The following ADGRV1 variants were observed in gnomAD, a reference collection of about 807,000 sequenced individuals.
ADGRV1 encodes the protein G-protein coupled receptor 98.
A neutral mutation model predicts 596.2 loss-of-function variants in ADGRV1; 359 were observed. The observed-to-expected ratio is 0.60, with a 90% confidence interval of 0.55 to 0.66. The LOEUF (loss-of-function observed/expected upper bound fraction) is 0.66. ADGRV1 is among the 30% of genes least tolerant of loss of function. ADGRV1 has a pLI of 0.00. For missense variants in ADGRV1, 7,274 were observed against 7,575.6 expected, an observed-to-expected ratio of 0.96 and a Z score of 1.48; for synonymous variants, 2,681 against 2,679.2, an observed-to-expected ratio of 1.00 and a Z score of -0.02.
chr5:91,134,812 G>A (rs954629419), intron 87 of ADGRV1, among the ~76,000 whole-genome samples: 1 of 152,050 alleles, frequency 6.6e-6, no homozygotes, highest in African/African-American at 2.4e-5. Flanking sequence ...TCTCTTATAA[G>A]AGTGGTGAAA....
chr5:91,062,913 C>A (rs1457002796), intron 85 of ADGRV1, among the ~76,000 whole-genome samples: 1 of 145,706 alleles, frequency 6.9e-6, no homozygotes, highest in Non-Finnish European at 1.5e-5. Flanking sequence ...GGTTAAGCTA[C>A]TTTATGTCTA....
chr5:90,801,809 A>G (rs573291773), intron 70 of ADGRV1, among the ~76,000 whole-genome samples: 1 of 152,340 alleles, frequency 6.6e-6, no homozygotes, highest in African/African-American at 2.4e-5. Flanking sequence ...CAACGTTTCT[A>G]TGGGAAAATG....
intron 86 of ADGRV1, among the ~76,000 whole-genome samples, chr5:91,100,426 C>A (rs1018409046): frequency 7.3e-5 from 11 of 149,870 alleles, no homozygotes; most frequent in Middle Eastern, 6.9e-3. Context: ...TTTGTATGAC[C>A]CTATGTGAAA....
chr5:90,970,707 G>A (rs976141927), intron 84 of ADGRV1, among the ~76,000 whole-genome samples: 4 of 152,052 alleles, frequency 2.6e-5, no homozygotes, highest in South Asian at 2.1e-4. Context: ...CCATCTGTAC[G>A]TCACCATCAT....
At chr5:90,963,003 GT>G in intron 83 of ADGRV1, among the ~76,000 whole-genome samples, 1 of 152,228 alleles carries the variant, frequency 6.6e-6, no homozygotes, top group East Asian at 1.9e-4. Flanking sequence ...TTCATAGAAT[GT>G]TTAAAGCTAA....
chr5:90,595,688 G>A (rs1322003645), intron 1 of ADGRV1, among the ~76,000 whole-genome samples: 2 of 132,310 alleles, frequency 1.5e-5, no homozygotes, highest in African/African-American at 3.1e-5. Flanking sequence ...CCTCCCGGAC[G>A]GGGCGGCTGG....
intron 57 of ADGRV1, 125 bp downstream of exon 57, chr5:90,757,286 TCAAA>T (rs1362373251): frequency 4.5e-6 from 3 of 672,646 alleles, no homozygotes; most frequent in African/African-American, 3.6e-5. Flanking sequence ...CTATGTTAAG[TCAAA>T]CAAATATTAT....
chr5:90,714,428 A>G (rs975215200), intron 42 of ADGRV1, among the ~76,000 whole-genome samples: 1 of 151,882 alleles, frequency 6.6e-6, no homozygotes, highest in Admixed American at 6.6e-5. Flanking sequence ...ACTGTCATTT[A>G]TCTTTTATTA....
At chr5:90,819,201 G>A (rs1450326444) in intron 75 of ADGRV1, among the ~76,000 whole-genome samples, 44 of 152,192 alleles carry the variant, frequency 2.9e-4, no homozygotes, top group South Asian at 6.2e-4. Flanking sequence ...GTTTATTTGC[G>A]TAGAGGTGTT....
chr5:90,770,574 T>A (rs1287510996), intron 59 of ADGRV1, among the ~76,000 whole-genome samples: 1 of 152,208 alleles, frequency 6.6e-6, no homozygotes, highest in African/African-American at 2.4e-5. Flanking sequence ...TTATGGTGTC[T>A]ACATGTGCAT....
At chr5:90,904,011 T>A (rs989948138) in intron 83 of ADGRV1, among the ~76,000 whole-genome samples, 2 of 152,078 alleles carry the variant, frequency 1.3e-5, no homozygotes, top group Non-Finnish European at 1.5e-5. Flanking sequence ...AGGGAGAACA[T>A]GTGATCTTTG....
chr5:90,864,226 A>C (rs1188400006), intron 83 of ADGRV1, among the ~76,000 whole-genome samples: 1 of 152,170 alleles, frequency 6.6e-6, no homozygotes, highest in Non-Finnish European at 1.5e-5. Flanking sequence ...GGGCATTAAG[A>C]TGATATAAAC....
chr5:90,672,518 C>T (rs757996453), intron 21 of ADGRV1, 28 bp from the exon 22 acceptor site: 2 of 1,579,552 alleles, frequency 1.3e-6, no homozygotes, highest in South Asian at 1.1e-5. Context: ...TTGCTATGCA[C>T]CTATTAATAA....
At chr5:90,591,231 A>C (rs949654377) in intron 1 of ADGRV1, among the ~76,000 whole-genome samples, 2 of 152,060 alleles carry the variant, frequency 1.3e-5, no homozygotes, top group African/African-American at 2.4e-5. Context: ...GTCCTTACTA[A>C]AAATACAAAA....
At position 90,644,801 on chromosome 5, in the gene ADGRV1, C is replaced by A. The variant is rs1389975810; in HGVS notation, c.2830C>A (p.Gln944Lys). The change falls in exon 15 of 90, where the codon CAA becomes AAA. Residue 944 changes from glutamine to lysine, a missense_variant. Gln to Lys is a moderately conservative substitution (Grantham distance 53, BLOSUM62 1). This residue lies in a region of ADGRV1 where 1,715 missense variants were observed against 1,708.8 expected (regional missense o/e 1.00). Coordinates refer to ENST00000405460, the MANE Select transcript of ADGRV1 (RefSeq NM_032119.4). ...CTTTACACAAGATGTATTTCCTGTA[C>A]AAGGGACTGTTGTCTTTGGAGATCA... ...PDFTQDVFPVQGTVVFGDQEF... is the reference protein window; with the variant it reads ...PDFTQDVFPVKGTVVFGDQEF... The A allele has an allele frequency of 1.2e-6, 2 of 1,611,188 alleles. No individual in the cohort carries two copies. Among genetic ancestry groups the A allele is most frequent in the Non-Finnish European group, 1.7e-6 (2 of 1,178,788 alleles).
At chr5:90,756,690 A>G in intron 56 of ADGRV1, 60 bp downstream of exon 56, 1 of 1,391,896 alleles carries the variant, frequency 7.2e-7, no homozygotes, top group Non-Finnish European at 1.0e-6. Flanking sequence ...TGATTTGGCC[A>G]GTGTTTTATG....
At chr5:90,918,442 CA>C (rs1773581508) in intron 83 of ADGRV1, among the ~76,000 whole-genome samples, 1 of 152,166 alleles carries the variant, frequency 6.6e-6, no homozygotes, top group African/African-American at 2.4e-5. Flanking sequence ...TTATCTCTTG[CA>C]TCTTCTACAT....
At chr5:91,032,200 C>G (rs1212221322) in intron 85 of ADGRV1, among the ~76,000 whole-genome samples, 1 of 152,166 alleles carries the variant, frequency 6.6e-6, no homozygotes, top group African/African-American at 2.4e-5. Flanking sequence ...CTGGGCATGT[C>G]TGGGGATTGC....
At chr5:91,022,710 G>C (rs541072536) in intron 85 of ADGRV1, among the ~76,000 whole-genome samples, 2 of 152,104 alleles carry the variant, frequency 1.3e-5, no homozygotes, top group Admixed American at 1.3e-4. Flanking sequence ...TTACCACTGC[G>C]TGCATTTGTG....
Sources: gnomAD v4.1 joint callset for allele counts (sites outside exome capture counted in the v4.1 genomes callset) on GRCh38, gnomAD v4.1.1 for gene constraint, gnomAD v4.1.1 regional missense constraint, MANE v1.5 for transcripts, NCBI Gene and HGNC (gene_info 2026-07-23, HGNC 2026-07-21) for gene names.